NOL3: variants seen among roughly 807,000 people sequenced by gnomAD.
NOL3 encodes the protein nucleolar protein 3.
NOL3 carries 18 observed loss-of-function variants against 19.2 expected under a neutral mutation model. The ratio of observed to expected loss-of-function variants is 0.94; its 90% CI spans 0.65 to 1.39. The LOEUF is 1.39. Among genes scored for constraint, NOL3 ranks in the 40% most tolerant of loss-of-function variants. The pLI is 0.00. For missense variants in NOL3, 290 were observed against 289.5 expected (o/e 1.00, Z -0.01); for synonymous variants, 127 against 137.3 (o/e 0.93, Z 0.52).
intron 1 of NOL3, among the ~76,000 whole-genome samples, chr16:67,172,197 C>G (rs767716733): frequency 7.5e-6 from 1 of 134,204 alleles, no homozygotes; most frequent in Non-Finnish European, 1.6e-5. Flanking sequence ...AAGTTATTAT[C>G]AGGGTGGGGG....
exon 4 of NOL3, chr16:67,175,373 A>C: frequency 2.4e-6 from 3 of 1,259,834 alleles, no homozygotes; most frequent in Non-Finnish European, 3.0e-6. Flanking sequence ...CTAGTGGGAC[A>C]AGGACCTGAC....
Position 67,174,146 on chromosome 16 carries a change from C to T in NOL3, c.-8-16C>T. 1.2e-6 allele frequency: 2 copies of T among 1,605,086 alleles called. No homozygotes were observed. Among genetic ancestry groups the T allele is most frequent in the Non-Finnish European group, 1.7e-6 (2 of 1,175,026 alleles). On this transcript the variant is annotated splice_polypyrimidine_tract_variant and intron_variant, in intron 1 of 3. Transcript: ENST00000268605. ...AGGGCAACCCCCCATTACTTCTCTC[C>T]CCTTTCCCCATGCAGCCCCGACAAT...
At chr16:67,175,301 C>T (rs2032114221) in exon 4 of NOL3, 1 of 1,417,886 alleles carries the variant, frequency 7.1e-7, no homozygotes, top group Non-Finnish European at 9.2e-7. Context: ...ATCATCCAGT[C>T]CTCAGCCCTA....
Position 67,172,608 on chromosome 16 carries a change from CAA to C in NOL3, c.-8-1537_-8-1536del, listed in dbSNP as rs5817617. Among the ~76,000 whole-genome samples, 882 of 120,096 alleles carry C rather than the reference CAA, an allele frequency of 7.3e-3. 6 individuals carry two copies. The highest frequency in any genetic ancestry group is 0.072 in the Middle Eastern group (15 of 208). The allele number at this position is 120,096 out of a possible 152,430, so 78.8% of individuals were successfully genotyped here. On this transcript the variant is annotated intron_variant, in intron 1 of 3. Coordinates refer to ENST00000268605, the Ensembl canonical transcript of NOL3. Reference sequence around the variant, plus strand: ...CCTGGGCAACAGAGTGAGACTCTGTCAAAAAAAAAAAAAAAAAATGGATAAAG... The same window carrying C: ...CCTGGGCAACAGAGTGAGACTCTGTCAAAAAAAAAAAAAAAATGGATAAAG...
Position 67,174,812 on chromosome 16 carries a change from A to G in NOL3, c.487A>G (p.Lys163Glu), listed in dbSNP as rs778003173. 21 of 1,603,802 alleles carry G rather than the reference A, an allele frequency of 1.3e-5. No homozygotes were observed. Among genetic ancestry groups the G allele is most frequent in the African/African-American group, 5.4e-5 (4 of 74,692 alleles). ...GCCAGAGCTGGAAGCTGAGGCCTCT[A>G]AAGAGGCTGAACCGGAGCCGGAGCC... Residue 163 changes from lysine (K) to glutamate (E), a missense_variant, in exon 3 of 4, where the codon AAA becomes GAA. Physicochemically the swap from Lys to Glu is moderately conservative, Grantham distance 56 (BLOSUM62 1). This residue lies in a region of NOL3 where 123 missense variants were observed against 107.0 expected (regional missense o/e 1.15). Transcript: ENST00000268605.
chr16:67,175,019 C>G, intron 3 of NOL3, 28 bp from the exon 4 acceptor site: 1 of 1,613,796 alleles, frequency 6.2e-7, no homozygotes, highest in Non-Finnish European at 8.5e-7. Context: ...GACCCCACCT[C>G]TTTGACCACT....
At chr16:67,174,032 G>T in intron 1 of NOL3, 130 bp from the exon 2 acceptor site, 2 of 1,550,718 alleles carry the variant, frequency 1.3e-6, no homozygotes, top group African/African-American at 2.7e-5. Context: ...GAGCCGTCCG[G>T]CGGCTGGGAT....
At chr16:67,172,642 G>A (rs1203820982) in intron 1 of NOL3, 1 of 149,294 alleles carries the variant, frequency 6.7e-6, no homozygotes. Flanking sequence ...AAAGCAGATT[G>A]ACTCTCCCTA....
exon 3 of NOL3, chr16:67,174,703 G>A: frequency 6.2e-7 from 1 of 1,606,448 alleles, no homozygotes; most frequent in Non-Finnish European, 8.5e-7. Context: ...CATGCCCCGG[G>A]TTGCCCAGAG....
chr16:67,174,112 G>A (rs1567674919), intron 1 of NOL3, 50 bp from the exon 2 acceptor site: 9 of 1,600,790 alleles, frequency 5.6e-6, no homozygotes, highest in Non-Finnish European at 7.7e-6. Context: ...GGCGGCGAGG[G>A]CAGCGGGGAG....
In NOL3 at chr16:67,174,667, G is replaced by C. The variant is rs200144674; in HGVS notation, c.342G>C (p.Thr114=). ...ACCCTCCATGCCCAGGCCACTGGACGCCGGAGGCACCCGGCTCGGGGACCA... is the reference window on the plus strand; with the variant it reads ...ACCCTCCATGCCCAGGCCACTGGACCCCGGAGGCACCCGGCTCGGGGACCA... Residue 114 remains threonine, a synonymous_variant, in exon 3 of 4, where the codon ACG becomes ACC. Coordinates refer to ENST00000268605, the Ensembl canonical transcript of NOL3. 1,186 of 1,583,416 alleles carry C rather than the reference G, an allele frequency of 7.5e-4. 1 individual carries two copies. Among genetic ancestry groups the C allele is most frequent in the Non-Finnish European group, 9.6e-4 (1,116 of 1,166,602 alleles).
exon 4 of NOL3, chr16:67,175,529 C>A: frequency 5.3e-6 from 1 of 189,160 alleles, no homozygotes; most frequent in Non-Finnish European, 1.0e-5. Flanking sequence ...GCTTAGAGCT[C>A]ACAGCCTTGG....
intron 1 of NOL3, among the ~76,000 whole-genome samples, chr16:67,173,219 C>T (rs185758439): frequency 1.4e-4 from 21 of 152,118 alleles, no homozygotes; most frequent in Admixed American, 1.3e-3. Context: ...GATCAAACAA[C>T]AAATGTCTGT....
intron 1 of NOL3, chr16:67,173,939 C>T: frequency 6.5e-7 from 1 of 1,536,412 alleles, no homozygotes; most frequent in Non-Finnish European, 8.7e-7. Flanking sequence ...AAGGAGGAGC[C>T]TGAGGAGGAG....
At chr16:67,173,051 T>C (rs571716566) in intron 1 of NOL3, 41 of 144,212 alleles carry the variant, frequency 2.8e-4, no homozygotes, top group African/African-American at 1.0e-3. Context: ...TGAGCCAAGA[T>C]TGCGCCACTG....
At chr16:67,174,265 C>A (rs753878058) in exon 2 of NOL3, 18 of 1,612,302 alleles carry the variant, frequency 1.1e-5, no homozygotes, top group South Asian at 2.2e-5. Context: ...TGCTGTTGGA[C>A]GCGCTGCTGG....
At chr16:67,174,562 GC>G in intron 2 of NOL3, 58 bp from the exon 3 acceptor site, 1 of 1,502,702 alleles carries the variant, frequency 6.7e-7, no homozygotes, top group Non-Finnish European at 8.8e-7. Context: ...CTAGAAGTAG[GC>G]GAGTGTGAAA....
rs930606202 is a variant in NOL3 at position 67,174,475 on chromosome 16, G to A, written c.295+11G>A. 34 of 1,480,850 alleles carry A rather than the reference G, an allele frequency of 2.3e-5. No homozygotes were observed. The highest frequency in any genetic ancestry group is 2.9e-5 in the Non-Finnish European group (33 of 1,122,676). The allele number at this position is 1,480,850 out of a possible 1,614,324, so 91.7% of individuals were successfully genotyped here. A position where few individuals can be genotyped will look rare whatever the true frequency, so the allele number is the denominator to read the frequency against. The stretch of plus-strand genomic sequence containing the variant: ...AGCACGTGGGTCCGGGTGAGCGCGC[G>A]GGGCGGGGCCTAGGGCAGAGCAGGG... On this transcript the variant is annotated intron_variant, in intron 2 of 3. Coordinates refer to ENST00000268605, the Ensembl canonical transcript of NOL3.
rs1165985278 is a variant in NOL3 at position 67,170,551 on chromosome 16, T to A, written c.-32T>A. ...GCCCGGCCCTTTCTGCACCGTCATC[T>A]CCTGCCCCGCCGAGGCTTGACCCGT... On this transcript the variant is annotated 5_prime_UTR_variant, in exon 1 of 4. Coordinates refer to ENST00000268605, the Ensembl canonical transcript of NOL3. The surrounding 1 kb of genome is among the most constrained non-coding windows in gnomAD (Gnocchi z 5.7). 7.2e-6 allele frequency: 1 copy of A among 139,178 alleles called. No individual in the cohort carries two copies. Among genetic ancestry groups the A allele is most frequent in the Non-Finnish European group, 1.6e-5 (1 of 64,258 alleles). 8.6% of individuals were successfully genotyped at this position (139,178 alleles called of 1,614,324 possible). A position where few individuals can be genotyped will look rare whatever the true frequency, so the allele number is the denominator to read the frequency against.
Sources: allele counts gnomAD v4.1 joint callset (sites outside exome capture counted in the v4.1 genomes callset), GRCh38; gene constraint gnomAD v4.1.1; regional missense constraint gnomAD v4.1.1; non-coding constraint Gnocchi (gnomAD v3.1); transcripts MANE v1.5; gene names NCBI Gene and HGNC (gene_info 2026-07-23, HGNC 2026-07-21).